Variants in ENOX1 observed in about 807,000 individuals in gnomAD.
ENOX1 encodes the protein candidate growth-related and time keeping constitutive hydroquinone (NADH) oxidase.
Under a neutral mutation model 82.5 loss-of-function variants are expected in ENOX1, and 42 were observed. That is an observed-to-expected ratio of 0.51 (90% CI 0.40 to 0.66). The LOEUF is 0.66. Among genes scored for constraint, ENOX1 ranks in the 30% least tolerant of loss-of-function variants. The pLI is 0.00. For synonymous variants in ENOX1, 271 were observed against 282.2 expected (o/e 0.96, Z 0.40); for missense variants, 608 against 811.6 (o/e 0.75, Z 3.05).
In ENOX1 at chr13:43,686,371, A is replaced by G. The variant is rs117962634; in HGVS notation, c.-284-18827T>C. Among the ~76,000 whole-genome samples the G allele has an allele frequency of 5.4e-3, 826 of 152,300 alleles. 4 individuals are homozygous for G. The highest frequency in any genetic ancestry group is 0.014 in the Middle Eastern group (4 of 294). Reference sequence around the variant, plus strand: ...TCAGTGGTCAATGATATTTTCTATCAGGATTAGCCTACATCCAATAAATTT... The same window carrying G: ...TCAGTGGTCAATGATATTTTCTATCGGGATTAGCCTACATCCAATAAATTT... On this transcript the variant is annotated intron_variant, in intron 1 of 16. Coordinates refer to ENST00000690772, the MANE Select transcript of ENOX1 (RefSeq NM_001347969.2).
At chr13:43,783,180 A>G (rs549685583) in intron 1 of ENOX1, among the ~76,000 whole-genome samples, 1 of 152,348 alleles carries the variant, frequency 6.6e-6, no homozygotes, top group East Asian at 1.9e-4. Flanking sequence ...CAACTACCAA[A>G]GCAAGGGACT....
chr13:43,509,113 T>C (rs1461497896), intron 2 of ENOX1, among the ~76,000 whole-genome samples: 1 of 152,014 alleles, frequency 6.6e-6, no homozygotes, highest in Non-Finnish European at 1.5e-5. Flanking sequence ...TTCTACTCTG[T>C]GGTAGGAAAT....
chr13:43,586,333 G>T (rs752215028), intron 2 of ENOX1, among the ~76,000 whole-genome samples: 1 of 152,180 alleles, frequency 6.6e-6, no homozygotes, highest in Non-Finnish European at 1.5e-5. Flanking sequence ...CACCTACCTA[G>T]GCATCCAACT....
intron 1 of ENOX1, among the ~76,000 whole-genome samples, chr13:43,711,189 G>A (rs560966265): frequency 3.4e-4 from 51 of 151,138 alleles, no homozygotes; most frequent in Non-Finnish European, 4.7e-4. Context: ...TTGTCCTTGC[G>A]ATAGTTTGCT....
At chr13:43,356,616 A>C (rs2050175636) in intron 7 of ENOX1, among the ~76,000 whole-genome samples, 1 of 152,252 alleles carries the variant, frequency 6.6e-6, no homozygotes, top group African/African-American at 2.4e-5. Flanking sequence ...AGCATCTATG[A>C]TATTTAAAAA....
At chr13:43,317,037 G>A (rs771450194) in intron 11 of ENOX1, among the ~76,000 whole-genome samples, 6 of 152,190 alleles carry the variant, frequency 3.9e-5, no homozygotes, top group East Asian at 3.8e-4. Context: ...TGGTGCCCTC[G>A]GCTGTCATTA....
At chr13:43,223,010 A>G (rs1356944517) in intron 16 of ENOX1, among the ~76,000 whole-genome samples, 1 of 152,162 alleles carries the variant, frequency 6.6e-6, no homozygotes, top group African/African-American at 2.4e-5. Context: ...CTCAAAGGGG[A>G]AGTGTTAGAT....
intron 2 of ENOX1, among the ~76,000 whole-genome samples, chr13:43,575,143 C>T (rs1335608215): frequency 2.0e-5 from 3 of 152,124 alleles, no homozygotes; most frequent in African/African-American, 7.2e-5. Flanking sequence ...ATCGCTTGGC[C>T]CTTTAATATT....
intron 2 of ENOX1, among the ~76,000 whole-genome samples, chr13:43,625,254 T>C (rs2082913272): frequency 6.6e-6 from 1 of 152,010 alleles, no homozygotes; most frequent in African/African-American, 2.4e-5. Context: ...TCCAGGATTT[T>C]TTTATAGATT....
intron 11 of ENOX1, among the ~76,000 whole-genome samples, chr13:43,299,472 C>T (rs1310358666): frequency 4.6e-5 from 7 of 152,070 alleles, no homozygotes; most frequent in African/African-American, 1.7e-4. Context: ...CCTGTGATGC[C>T]GGTGCTGGTC....
intron 15 of ENOX1, among the ~76,000 whole-genome samples, chr13:43,227,094 T>C (rs1468248933): frequency 6.6e-6 from 1 of 152,174 alleles, no homozygotes; most frequent in Non-Finnish European, 1.5e-5. Context: ...TAAATGTCTT[T>C]AATAGGATGA....
intron 2 of ENOX1, among the ~76,000 whole-genome samples, chr13:43,631,654 T>C (rs935867164): frequency 2.6e-5 from 4 of 152,230 alleles, no homozygotes; most frequent in African/African-American, 9.6e-5. Context: ...AAACAGTATC[T>C]TTAAAACAAA....
At chr13:43,750,067 G>A (rs1285757047) in intron 1 of ENOX1, among the ~76,000 whole-genome samples, 1 of 152,098 alleles carries the variant, frequency 6.6e-6, no homozygotes, top group African/African-American at 2.4e-5. Context: ...AATCACCAGT[G>A]TTAAAAAGTC....
At chr13:43,620,304 T>C (rs2082667290) in intron 2 of ENOX1, among the ~76,000 whole-genome samples, 1 of 152,096 alleles carries the variant, frequency 6.6e-6, no homozygotes, top group Admixed American at 6.6e-5. Flanking sequence ...GCTTGGTTTG[T>C]TCTTGTTTCT....
chr13:43,223,778 T>TA (rs1316621047), intron 16 of ENOX1, among the ~76,000 whole-genome samples: 1 of 152,236 alleles, frequency 6.6e-6, no homozygotes, highest in Non-Finnish European at 1.5e-5. Flanking sequence ...CAGGTGAACC[T>TA]ATATTTTTAA....
intron 2 of ENOX1, among the ~76,000 whole-genome samples, chr13:43,559,902 C>A (rs879087404): frequency 6.6e-6 from 1 of 152,094 alleles, no homozygotes; most frequent in Non-Finnish European, 1.5e-5. Context: ...TAGGCCTTTT[C>A]TTTAAAAGTA....
At chr13:43,595,993 CA>C (rs1267167445) in intron 2 of ENOX1, among the ~76,000 whole-genome samples, 1 of 152,184 alleles carries the variant, frequency 6.6e-6, no homozygotes, top group African/African-American at 2.4e-5. Flanking sequence ...AGTAACGCAT[CA>C]TATGGAAAGG....
chr13:43,651,140 T>C (rs1429243400), intron 2 of ENOX1, among the ~76,000 whole-genome samples: 1 of 152,062 alleles, frequency 6.6e-6, no homozygotes, highest in Admixed American at 6.5e-5. Context: ...TTTCCAATGA[T>C]ACAATCAAGC....
At chr13:43,769,363 AAAG>A (rs1402461104) in intron 1 of ENOX1, among the ~76,000 whole-genome samples, 26 of 152,180 alleles carry the variant, frequency 1.7e-4, no homozygotes, top group Non-Finnish European at 7.3e-5. Context: ...CACTTCCTCA[AAAG>A]GATGACCAAG....
Sources: gnomAD v4.1 joint callset for allele counts (sites outside exome capture counted in the v4.1 genomes callset) on GRCh38, gnomAD v4.1.1 for gene constraint, MANE v1.5 for transcripts, NCBI Gene and HGNC (gene_info 2026-07-23, HGNC 2026-07-21) for gene names.